Variants in KNTC1 observed in about 807,000 individuals in gnomAD.
KNTC1 encodes the protein kinetochore associated 1, also known as kinetochore-associated protein 1.
KNTC1 carries 253 observed loss-of-function variants against 314.4 expected under a neutral mutation model. That is an observed-to-expected ratio of 0.80 (90% CI 0.73 to 0.89). The LOEUF is 0.89. KNTC1 is among the 40% of genes least tolerant of loss of function. KNTC1 has a pLI of 0.00. For missense variants in KNTC1, 2,475 were observed against 2,572.9 expected, an observed-to-expected ratio of 0.96 and a Z score of 0.82; for synonymous variants, 901 against 901.4, an observed-to-expected ratio of 1.00 and a Z score of 0.01.
Position 122,618,465 on chromosome 12 carries a change from T to TC in KNTC1, c.6086-17_6086-16insC. On this transcript the variant is annotated splice_polypyrimidine_tract_variant and intron_variant, in intron 58 of 63. Coordinates refer to ENST00000333479, the MANE Select transcript of KNTC1 (RefSeq NM_014708.6). The stretch of plus-strand genomic sequence containing the variant: ...GAGTGTGTGTATATCATGGTTGTTT[T>TC]TTTGTTTTGTTTTCAGCCTCTTGTC... The TC allele has an allele frequency of 6.2e-7, 1 of 1,612,128 alleles. No homozygotes were observed. The highest frequency in any genetic ancestry group is 8.5e-7 in the Non-Finnish European group (1 of 1,179,314).
At chr12:122,582,635 A>G (rs1868588616) in intron 33 of KNTC1, 70 bp from the exon 34 acceptor site, 2 of 1,366,634 alleles carry the variant, frequency 1.5e-6, no homozygotes, top group Non-Finnish European at 2.0e-6. Flanking sequence ...AAAAAAAACT[A>G]ATGAAAATGA....
At chr12:122,543,939 A>G (rs1962554497) in intron 7 of KNTC1, among the ~76,000 whole-genome samples, 1 of 151,806 alleles carries the variant, frequency 6.6e-6, no homozygotes, top group African/African-American at 2.4e-5. Flanking sequence ...ACTCCCAGCT[A>G]CTCAGGAGGC....
chr12:122,569,908 C>A, intron 22 of KNTC1, 84 bp downstream of exon 22: 1 of 1,098,922 alleles, frequency 9.1e-7, no homozygotes, highest in Non-Finnish European at 1.3e-6. Flanking sequence ...CACGTTAACA[C>A]CAGTTAACAC....
intron 18 of KNTC1, among the ~76,000 whole-genome samples, chr12:122,560,938 C>G (rs2137839720): frequency 6.6e-6 from 1 of 152,290 alleles, no homozygotes; most frequent in South Asian, 2.1e-4. Flanking sequence ...AATCCCTCCA[C>G]TAATGTATGT....
At chr12:122,585,093 A>C in intron 36 of KNTC1, 103 bp downstream of exon 36, 1 of 679,908 alleles carries the variant, frequency 1.5e-6, no homozygotes, top group South Asian at 1.8e-5. Context: ...GCTGGAGTGC[A>C]GTGGCATGAT....
chr12:122,619,370 A>C (rs942042216), intron 59 of KNTC1, among the ~76,000 whole-genome samples: 1 of 148,612 alleles, frequency 6.7e-6, no homozygotes, highest in Non-Finnish European at 1.5e-5. Flanking sequence ...CAGCCTCCCA[A>C]ATTGCTGGGA....
intron 2 of KNTC1, among the ~76,000 whole-genome samples, chr12:122,532,693 T>C (rs928425088): frequency 6.6e-6 from 1 of 152,226 alleles, no homozygotes; most frequent in African/African-American, 2.4e-5. Context: ...ATCTGCTATG[T>C]TCTGAGCCCA....
rs561677912 is a variant in KNTC1, at chr12:122,596,122, AC to A, written c.4356-1606del. On this transcript the variant is annotated intron_variant, in intron 43 of 63. Transcript: ENST00000333479. ...TTTTGAGACGGAGTCTCGCTCTGTC[AC>A]CCAGCCTGAAGTGCAGTGGTGCAAT... 7.6e-3 allele frequency among the ~76,000 whole-genome samples: 977 copies of A among 128,680 alleles called. 3 individuals are homozygous for A. Among genetic ancestry groups the A allele is most frequent in the Admixed American group, 0.012 (123 of 10,272 alleles). 84.4% of individuals were successfully genotyped at this position (128,680 alleles called of 152,430 possible).
Position 122,613,765 on chromosome 12 carries a change from G to A in KNTC1, c.5877+4G>A, listed in dbSNP as rs760906558. 2 of 1,597,888 alleles carry A rather than the reference G, an allele frequency of 1.3e-6. No homozygotes were observed. Among genetic ancestry groups the A allele is most frequent in the Admixed American group, 3.6e-5 (2 of 55,972 alleles). ...AAACCACAGCCACGAGTCCATGGTA[G>A]GTACACCTCACTGCCCCATTCCCAA... On this transcript the variant is annotated splice_donor_region_variant and intron_variant, in intron 55 of 63. Coordinates refer to ENST00000333479, the MANE Select transcript of KNTC1 (RefSeq NM_014708.6).
At chr12:122,586,529 A>C (rs1291467866) in intron 37 of KNTC1, among the ~76,000 whole-genome samples, 172 bp from the exon 38 acceptor site, 1 of 152,160 alleles carries the variant, frequency 6.6e-6, no homozygotes, top group African/African-American at 2.4e-5. Context: ...AAATATTTAC[A>C]CATCTGTGAG....
chr12:122,528,842 A>G (rs1961045535), intron 1 of KNTC1, among the ~76,000 whole-genome samples: 1 of 148,736 alleles, frequency 6.7e-6, no homozygotes, highest in Non-Finnish European at 1.5e-5. Flanking sequence ...CAAACTGTAT[A>G]TATATATTTT....
chr12:122,621,288 GGTAGATATACCA>G (rs1789972288), intron 60 of KNTC1, among the ~76,000 whole-genome samples: 1 of 151,110 alleles, frequency 6.6e-6, no homozygotes, highest in Admixed American at 6.6e-5. Flanking sequence ...CTTCCCTGCA[GGTAGATATACCA>G]GTAGATAGAG....
chr12:122,594,897 A>G (rs1870813780), intron 43 of KNTC1, among the ~76,000 whole-genome samples: 1 of 152,156 alleles, frequency 6.6e-6, no homozygotes. Context: ...TTCTTTCTTT[A>G]TTTGAGACGG....
chr12:122,529,936 T>C, intron 1 of KNTC1, 55 bp from the exon 2 acceptor site: 1 of 1,013,720 alleles, frequency 9.9e-7, no homozygotes, highest in Admixed American at 3.1e-5. Flanking sequence ...ACTTTTGTTT[T>C]TGTTTTGTGA....
chr12:122,620,739 T>G (rs1156608980), intron 60 of KNTC1, 131 bp downstream of exon 60: 3 of 909,710 alleles, frequency 3.3e-6, no homozygotes, highest in Non-Finnish European at 4.8e-6. Flanking sequence ...GTGTGAAGCT[T>G]GTATGGGGGC....
intron 42 of KNTC1, chr12:122,593,694 T>C (rs1195378399): frequency 6.6e-6 from 1 of 152,530 alleles, no homozygotes; most frequent in Non-Finnish European, 1.5e-5. Context: ...AGCCTTGACC[T>C]CTAGGGCCTA....
chr12:122,602,864 C>T lies in KNTC1; in HGVS notation c.4861C>T (p.Leu1621Phe), dbSNP rs1872123471. 6.2e-7 allele frequency: 1 copy of T among 1,610,524 alleles called. No individual in the cohort carries two copies. The highest frequency in any genetic ancestry group is 1.3e-5 in the African/African-American group (1 of 74,854). The change falls in exon 47 of 64, where the codon CTC becomes TTC. Residue 1621 changes from leucine (L) to phenylalanine (F), a missense_variant. Transcript: ENST00000333479. ...ELSEESFPTL[L>F]LISKLMKFSL... ...CAGTGAAGAATCTTTCCCAACATTG[C>T]TCTTAATTTCGAAATTAATGAAGGT...
At chr12:122,537,292 C>G (rs1961918457) in intron 3 of KNTC1, among the ~76,000 whole-genome samples, 1 of 152,198 alleles carries the variant, frequency 6.6e-6, no homozygotes, top group Non-Finnish European at 1.5e-5. Context: ...TGTGAGCTTT[C>G]TAATTAACAC....
Position 122,568,341 on chromosome 12 carries a change from T to C in KNTC1, c.1685T>C (p.Val562Ala). The C allele has an allele frequency of 6.3e-7, 1 of 1,599,378 alleles. No individual in the cohort carries two copies. The highest frequency in any genetic ancestry group is 8.6e-7 in the Non-Finnish European group (1 of 1,167,848). The part of the protein sequence containing the change: ...IFLQLKEGNL[V>A]CAQYLWLRHR... The stretch of plus-strand genomic sequence containing the variant: ...TTACAGCTAAAAGAAGGAAACCTTG[T>C]TTGTGCACAGTATCTTTGGCTTCGA... Residue 562 changes from valine to alanine, a missense_variant, in exon 21 of 64, where the codon GTT (valine) becomes GCT (alanine). By Grantham distance (64) the Val-to-Ala change is moderately conservative. Transcript: ENST00000333479.
Sources: allele counts gnomAD v4.1 joint callset (sites outside exome capture counted in the v4.1 genomes callset), GRCh38; gene constraint gnomAD v4.1.1; transcripts MANE v1.5; gene names NCBI Gene and HGNC (gene_info 2026-07-23, HGNC 2026-07-21).